GPR183: variants seen among roughly 807,000 people sequenced by gnomAD.
The protein encoded by GPR183 is EBV-induced G-protein coupled receptor 2.
Under a neutral mutation model 19.7 loss-of-function variants are expected in GPR183, and 9 were observed. The observed-to-expected ratio is 0.46, with a 90% confidence interval of 0.28 to 0.80. The LOEUF (loss-of-function observed/expected upper bound fraction) is 0.80. GPR183 is among the 30% of genes least tolerant of loss of function. GPR183 has a pLI of 0.13. For missense variants in GPR183, 368 were observed against 446.7 expected (o/e 0.82, Z 1.59); for synonymous variants, 160 against 155.1 (o/e 1.03, Z -0.24).
intron 1 of GPR183, among the ~76,000 whole-genome samples, chr13:99,298,976 T>A (rs928522496): frequency 3.3e-5 from 5 of 152,234 alleles, no homozygotes; most frequent in African/African-American, 9.6e-5. Context: ...TATTTTTGAG[T>A]ATTTCTAAGC....
intron 1 of GPR183, among the ~76,000 whole-genome samples, chr13:99,296,819 AG>A (rs1391785162): frequency 6.6e-6 from 1 of 152,146 alleles, no homozygotes; most frequent in Non-Finnish European, 1.5e-5. Context: ...AGAAAGATAA[AG>A]AAAATGAGAG....
At chr13:99,300,169 G>A (rs1331039721) in intron 1 of GPR183, among the ~76,000 whole-genome samples, 3 of 152,240 alleles carry the variant, frequency 2.0e-5, no homozygotes, top group African/African-American at 7.2e-5. Context: ...CAAATGGGAA[G>A]CCACTTGTGG....
At chr13:99,303,853 T>C (rs2138738585) in intron 1 of GPR183, among the ~76,000 whole-genome samples, 1 of 152,324 alleles carries the variant, frequency 6.6e-6, no homozygotes, top group South Asian at 2.1e-4. Context: ...TCAGGGATCT[T>C]ACTGTGGTAC....
chr13:99,296,218 T>C (rs1370394066), intron 1 of GPR183, 55 bp from the exon 2 acceptor site: 1 of 1,408,520 alleles, frequency 7.1e-7, no homozygotes, highest in Non-Finnish European at 9.5e-7. Flanking sequence ...TTCAGTTTGA[T>C]TACTCATTAG....
intron 1 of GPR183, among the ~76,000 whole-genome samples, chr13:99,304,290 C>A (rs866862922): frequency 2.0e-5 from 3 of 152,290 alleles, no homozygotes; most frequent in Admixed American, 6.5e-5. Context: ...TATCCTGTAT[C>A]CTTAGCTCTT....
chr13:99,297,413 T>C (rs2044193262), intron 1 of GPR183, among the ~76,000 whole-genome samples: 1 of 152,178 alleles, frequency 6.6e-6, no homozygotes, highest in South Asian at 2.1e-4. Flanking sequence ...CCTTAAAGAC[T>C]ATCTCTACCC....
In GPR183 at chr13:99,295,906, A is replaced by G. The variant is rs751895248; in HGVS notation, c.240T>C (p.Phe80=). 3 of 1,613,438 alleles carry G rather than the reference A, an allele frequency of 1.9e-6. No individual in the cohort carries two copies. Among genetic ancestry groups the G allele is most frequent in the East Asian group, 2.2e-5 (1 of 44,874 alleles). Residue 80 remains phenylalanine (F), a synonymous_variant, in exon 2 of 2, where the codon TTT becomes TTC. Coordinates refer to ENST00000376414, the MANE Select transcript of GPR183 (RefSeq NM_004951.5). This position sits in a 1 kb window ranked among gnomAD's most constrained non-coding sequence, Gnocchi z 4.1. ...CTATTCGTGTAGGCAAAGCGGTGGT[A>G]AAAAGTATATCAGAAATCACCAAAT... The part of the protein sequence containing the change: ...STNLVISDIL[F]TTALPTRIAY...
At chr13:99,301,913 T>G (rs1433393427) in intron 1 of GPR183, among the ~76,000 whole-genome samples, 1 of 152,240 alleles carries the variant, frequency 6.6e-6, no homozygotes, top group Non-Finnish European at 1.5e-5. Flanking sequence ...TAATATTTAT[T>G]TATTTTAATA....
chr13:99,303,413 A>G (rs1272553554), intron 1 of GPR183, among the ~76,000 whole-genome samples: 3 of 152,190 alleles, frequency 2.0e-5, no homozygotes, highest in Non-Finnish European at 1.5e-5. Flanking sequence ...CACATATTCT[A>G]GTTATTTTCT....
Position 99,306,139 on chromosome 13 carries a change from G to A in GPR183, c.-19+1201C>T, listed in dbSNP as rs533835660. 3.7e-4 allele frequency among the ~76,000 whole-genome samples: 56 copies of A among 152,118 alleles called. 1 individual carries two copies. The South Asian group carries it at 0.011, about 29-fold the overall frequency. ...TCGAACTCCTGATCTCAGGTGATCC[G>A]CCTGCCTCGGCCTCCCAAAGTGCTG... On this transcript the variant is annotated intron_variant, in intron 1 of 1. Transcript: ENST00000376414.
intron 1 of GPR183, among the ~76,000 whole-genome samples, chr13:99,296,958 A>G (rs563069303): frequency 2.0e-5 from 3 of 152,258 alleles, no homozygotes; most frequent in African/African-American, 7.2e-5. Context: ...ATCACACTTT[A>G]TATTTTGTTT....
chr13:99,297,887 C>T (rs1417783441), intron 1 of GPR183, among the ~76,000 whole-genome samples: 1 of 151,132 alleles, frequency 6.6e-6, no homozygotes, highest in African/African-American at 2.4e-5. Flanking sequence ...AGAATAAAGG[C>T]AAGAGAAAAT....
chr13:99,302,231 G>C (rs1248081157), intron 1 of GPR183, among the ~76,000 whole-genome samples: 2 of 152,218 alleles, frequency 1.3e-5, no homozygotes, highest in Admixed American at 1.3e-4. Flanking sequence ...TGTTTGATCT[G>C]ATACACTGTC....
At chr13:99,303,094 G>A (rs1227513206) in intron 1 of GPR183, among the ~76,000 whole-genome samples, 3 of 152,184 alleles carry the variant, frequency 2.0e-5, no homozygotes, top group African/African-American at 4.8e-5. Flanking sequence ...GAGGAGCTCT[G>A]TGACCAGCCT....
In GPR183 at chr13:99,305,717, C is replaced by T. The variant is rs192290470; in HGVS notation, c.-19+1623G>A. On this transcript the variant is annotated intron_variant, in intron 1 of 1. Transcript: ENST00000376414. ...AAGGGATCATTACCATTGTCACTAA[C>T]GCGATACATAAACATGTGAGTGAAC... Among the ~76,000 whole-genome samples the T allele has an allele frequency of 2.5e-3, 378 of 152,216 alleles. 2 individuals are homozygous for T. Among genetic ancestry groups the T allele is most frequent in the African/African-American group, 4.4e-3 (184 of 41,518 alleles).
chr13:99,302,725 TG>T (rs936365830), intron 1 of GPR183, among the ~76,000 whole-genome samples: 4 of 152,222 alleles, frequency 2.6e-5, no homozygotes, highest in Non-Finnish European at 5.9e-5. Context: ...TGCACTGCTG[TG>T]GAGCTGTGAC....
chr13:99,299,317 C>T (rs965283617), intron 1 of GPR183, among the ~76,000 whole-genome samples: 4 of 152,178 alleles, frequency 2.6e-5, no homozygotes, highest in African/African-American at 9.7e-5. Context: ...TACAGGAATA[C>T]AGCCATGCAG....
rs150591350 is a variant in GPR183 at position 99,298,505 on chromosome 13, G to C, written c.-18-2342C>G. 7.4e-3 allele frequency among the ~76,000 whole-genome samples: 1,121 copies of C among 152,256 alleles called. 10 individuals are homozygous for C. Among genetic ancestry groups the C allele is most frequent in the South Asian group, 0.055 (266 of 4,820 alleles). On this transcript the variant is annotated intron_variant, in intron 1 of 1. Coordinates refer to ENST00000376414, the MANE Select transcript of GPR183 (RefSeq NM_004951.5). ...GATGCAGATAAGGCAATCTGAGATA[G>C]ATATAAAGCCTTGAATGCATTTATT... is the stretch of plus-strand genomic sequence containing the variant.
In GPR183 at chr13:99,296,011, C is replaced by T. The variant is rs1221109657; in HGVS notation, c.135G>A (p.Gly45=). ...PLHYSLVFII[G]LVGNLLALVV... ...CCAAGGCTAGTAAGTTTCCCACGAG[C>T]CCAATGATGAAGACGAGGCTGTAAT... Residue 45 remains glycine (G), a synonymous_variant, in exon 2 of 2, where the codon GGG becomes GGA. Coordinates refer to ENST00000376414, the MANE Select transcript of GPR183 (RefSeq NM_004951.5). The T allele has an allele frequency of 1.2e-6, 2 of 1,613,964 alleles. No homozygotes were observed. The highest frequency in any genetic ancestry group is 1.3e-5 in the African/African-American group (1 of 74,868).
Sources: gnomAD v4.1 joint callset for allele counts (sites outside exome capture counted in the v4.1 genomes callset) on GRCh38, gnomAD v4.1.1 for gene constraint, Gnocchi (gnomAD v3.1) non-coding constraint, MANE v1.5 for transcripts, NCBI Gene and HGNC (gene_info 2026-07-23, HGNC 2026-07-21) for gene names.